Variants in STARD9 observed in about 807,000 individuals in gnomAD.
The protein encoded by STARD9 is StAR related lipid transfer domain containing 9.
A neutral mutation model predicts 399.8 loss-of-function variants in STARD9; 346 were observed. That is an observed-to-expected ratio of 0.87 (90% confidence interval 0.79 to 0.95). STARD9 has a LOEUF of 0.95. Ranked by LOEUF, STARD9 falls within the 40% of genes least tolerant of loss-of-function variation. The pLI is 0.00. For synonymous variants in STARD9, 2,203 were observed against 2,143.5 expected (o/e 1.03, Z -0.77); for missense variants, 5,832 against 5,667.5 (o/e 1.03, Z -0.93).
chr15:42,584,753 A>G (rs1245289257), intron 2 of STARD9, among the ~76,000 whole-genome samples: 1 of 152,212 alleles, frequency 6.6e-6, no homozygotes, highest in Non-Finnish European at 1.5e-5. Flanking sequence ...ATGGGGGTTG[A>G]ATATTCCAGG....
rs1050006662 is a variant in STARD9 at position 42,685,525 on chromosome 15, A to G, written c.3947A>G (p.Glu1316Gly). 52 of 1,537,438 alleles carry G rather than the reference A, an allele frequency of 3.4e-5. No homozygotes were observed. Among genetic ancestry groups the G allele is most frequent in the Non-Finnish European group, 4.5e-5 (52 of 1,146,996 alleles). ...TCACAGGTAGAGCCAAGCTACTCTG[A>G]ACAAGCCGACTCTCTCCAAGGCATG... ...AESQVEPSYS[E>G]QADSLQGMQL... Residue 1316 changes from glutamate (E) to glycine (G), a missense_variant, in exon 23 of 33, where the codon GAA becomes GGA. By Grantham distance (98) the Glu-to-Gly change is moderately conservative. Coordinates refer to ENST00000290607, the MANE Select transcript of STARD9 (RefSeq NM_020759.3).
Position 42,688,143 on chromosome 15 carries a change from A to G in STARD9, c.6565A>G (p.Thr2189Ala). ...DICDSLGKHT[T>A]CREFTNTSLH... ...TTGTGATTCTTTAGGGAAACACACA[A>G]CTTGCAGAGAGTTCACCAACACTTC... Residue 2189 changes from threonine to alanine, a missense_variant, in exon 23 of 33, where the codon ACT (threonine) becomes GCT (alanine). Physicochemically the swap from Thr to Ala is moderately conservative, Grantham distance 58. This residue lies in a region of STARD9 where 5,828 missense variants were observed against 5,651.1 expected (regional missense o/e 1.03). Coordinates refer to ENST00000290607, the MANE Select transcript of STARD9 (RefSeq NM_020759.3). 6.5e-7 allele frequency: 1 copy of G among 1,537,396 alleles called. No individual in the cohort carries two copies. The highest frequency in any genetic ancestry group is 8.7e-7 in the Non-Finnish European group (1 of 1,146,962).
At chr15:42,583,504 T>C in intron 2 of STARD9, 89 bp downstream of exon 2, 3 of 931,430 alleles carry the variant, frequency 3.2e-6, no homozygotes, top group Non-Finnish European at 4.9e-6. Context: ...TATGTGAATG[T>C]GTTTAGAGTT....
intron 3 of STARD9, among the ~76,000 whole-genome samples, chr15:42,604,867 T>G (rs1403273398): frequency 1.3e-5 from 2 of 152,206 alleles, no homozygotes; most frequent in East Asian, 3.9e-4. Flanking sequence ...GGTCTCTAAC[T>G]CCTGGGCTCA....
Position 42,695,230 on chromosome 15 carries a change from G to A in STARD9, c.13053G>A (p.Lys4351=). The change falls in exon 25 of 33, where the codon AAG becomes AAA. Residue 4351 remains lysine (K), a synonymous_variant. Transcript: ENST00000290607. ...ACCAGCAGGCCCATGAGGAGGCCAA[G>A]GTGGAGATTGCCCGGGCCCGAGACC... ...QDYQQAHEEA[K]VEIARARDQL... The A allele has an allele frequency of 3.9e-6, 6 of 1,537,218 alleles. No homozygotes were observed. Among genetic ancestry groups the A allele is most frequent in the Non-Finnish European group, 5.2e-6 (6 of 1,146,882 alleles).
At chr15:42,718,257 G>A (rs2061388424) in intron 30 of STARD9, 78 bp downstream of exon 30, 2 of 1,388,828 alleles carry the variant, frequency 1.4e-6, no homozygotes, top group African/African-American at 1.4e-5. Context: ...GGATAGAGGT[G>A]GAGGGTTGGA....
At chr15:42,704,971 T>C (rs2140352977) in intron 26 of STARD9, among the ~76,000 whole-genome samples, 1 of 152,308 alleles carries the variant, frequency 6.6e-6, no homozygotes, top group Non-Finnish European at 1.5e-5. Context: ...TGAAATTTAT[T>C]TGGGGCCCAG....
chr15:42,597,423 A>G (rs2058528250), intron 3 of STARD9, among the ~76,000 whole-genome samples: 1 of 152,056 alleles, frequency 6.6e-6, no homozygotes, highest in African/African-American at 2.4e-5. Flanking sequence ...GCTGGAGTGC[A>G]GTGGTGCGGT....
At chr15:42,695,976 C>T in intron 26 of STARD9, 96 bp downstream of exon 26, 1 of 1,365,212 alleles carries the variant, frequency 7.3e-7, no homozygotes, top group Non-Finnish European at 9.7e-7. Flanking sequence ...GGGCAAGACG[C>T]CGTGCCTCCT....
At chr15:42,708,216 C>T (rs917949308) in intron 26 of STARD9, among the ~76,000 whole-genome samples, 3 of 152,178 alleles carry the variant, frequency 2.0e-5, no homozygotes, top group Non-Finnish European at 4.4e-5. Flanking sequence ...TTTAAATTGA[C>T]AAGGCTTGGT....
chr15:42,708,180 CT>C (rs2061131718), intron 26 of STARD9, among the ~76,000 whole-genome samples: 1 of 152,096 alleles, frequency 6.6e-6, no homozygotes, highest in South Asian at 2.1e-4. Context: ...TTTGAATCAT[CT>C]TTTAAAGTTT....
chr15:42,661,300 T>C, intron 10 of STARD9, 75 bp downstream of exon 10: 1 of 1,006,416 alleles, frequency 9.9e-7, no homozygotes, highest in Non-Finnish European at 1.5e-6. Context: ...TGTTCCAATC[T>C]TTTTCACATT....
chr15:42,614,493 A>G (rs753719638), intron 3 of STARD9, among the ~76,000 whole-genome samples: 7 of 152,212 alleles, frequency 4.6e-5, no homozygotes, highest in Non-Finnish European at 8.8e-5. Flanking sequence ...TAAACTAGGA[A>G]CAGTGAAAAA....
At chr15:42,595,281 T>G (rs184935062) in intron 3 of STARD9, among the ~76,000 whole-genome samples, 64 of 152,258 alleles carry the variant, frequency 4.2e-4, no homozygotes, top group Admixed American at 3.4e-3. Context: ...ATCTCCATTT[T>G]AGGGATAGGA....
At chr15:42,705,799 C>T (rs2061063576) in intron 26 of STARD9, among the ~76,000 whole-genome samples, 1 of 151,914 alleles carries the variant, frequency 6.6e-6, no homozygotes, top group Non-Finnish European at 1.5e-5. Flanking sequence ...CTCACTCGGG[C>T]TGGAGTGCAG....
chr15:42,692,969 C>A lies in STARD9; in HGVS notation c.11391C>A (p.Leu3797=). 1 of 1,537,212 alleles carries A rather than the reference C, an allele frequency of 6.5e-7. No homozygotes were observed. Among genetic ancestry groups the A allele is most frequent in the Non-Finnish European group, 8.7e-7 (1 of 1,146,904 alleles). Residue 3797 remains leucine, a synonymous_variant, in exon 23 of 33, where the codon CTC becomes CTA. Transcript: ENST00000290607. ...AAACAGCACAGAAAATGGCTCAGCT[C>A]CTCTATCTTCAGGAAGAAAGCACTC... ...AEETAQKMAQ[L]LYLQEESTPY...
At chr15:42,588,208 A>ATG (rs71947615) in intron 3 of STARD9, among the ~76,000 whole-genome samples, 16,112 of 150,326 alleles carry the variant, frequency 0.11, 1,062 homozygotes, top group Non-Finnish European at 0.15. Flanking sequence ...TTAAAATTTT[A>ATG]TGTGTGTGTG....
Position 42,687,065 on chromosome 15 carries a change from C to T in STARD9, c.5487C>T (p.Ile1829=), listed in dbSNP as rs1416410434. The change falls in exon 23 of 33, where the codon ATC becomes ATT. Residue 1829 remains isoleucine, a synonymous_variant. Coordinates refer to ENST00000290607, the MANE Select transcript of STARD9 (RefSeq NM_020759.3). ...TTGATCTGAATACCAGGGAAGTCAT[C>T]AGAGAATCAGGTAAATGCCCTGGAA... The part of the protein sequence containing the change: ...IPVDLNTREV[I]RESGKCPGNI... 2 of 1,537,156 alleles carry T rather than the reference C, an allele frequency of 1.3e-6. No homozygotes were observed. Among genetic ancestry groups the T allele is most frequent in the East Asian group, 2.4e-5 (1 of 40,916 alleles).
At chr15:42,576,982 G>A (rs1156811124) in intron 1 of STARD9, among the ~76,000 whole-genome samples, 1 of 152,174 alleles carries the variant, frequency 6.6e-6, no homozygotes, top group Non-Finnish European at 1.5e-5. Context: ...ATAACTGGAT[G>A]TGGTAGCTCA....
Sources: allele counts gnomAD v4.1 joint callset (sites outside exome capture counted in the v4.1 genomes callset), GRCh38; gene constraint gnomAD v4.1.1; regional missense constraint gnomAD v4.1.1; transcripts MANE v1.5; gene names NCBI Gene and HGNC (gene_info 2026-07-23, HGNC 2026-07-21).